The following MYRFL variants were observed in gnomAD, a reference collection of about 807,000 sequenced individuals.
The protein encoded by MYRFL is myelin regulatory factor-like protein.
MYRFL carries 88 observed loss-of-function variants against 109.4 expected under a neutral mutation model. The ratio of observed to expected loss-of-function variants is 0.80; its 90% CI spans 0.68 to 0.96. The LOEUF (loss-of-function observed/expected upper bound fraction) is 0.96, where lower values mean the gene tolerates loss of function less well. Ranked by LOEUF, MYRFL falls within the 40% of genes least tolerant of loss-of-function variation. The probability of loss-of-function intolerance (pLI) is 0.00; values close to 1 mark genes in which losing one functional copy is unlikely to be tolerated. For missense variants in MYRFL, 957 were observed against 954.9 expected (o/e 1.00, Z -0.03); for synonymous variants, 324 against 320.9 (o/e 1.01, Z -0.10).
intron 2 of MYRFL, among the ~76,000 whole-genome samples, chr12:69,867,881 A>T (rs866343909): frequency 6.6e-6 from 1 of 152,206 alleles, no homozygotes; most frequent in Admixed American, 6.5e-5. Flanking sequence ...GAAGAAGAAG[A>T]CTGGGCTAAA....
chr12:69,875,861 GT>G (rs992766815), intron 2 of MYRFL, among the ~76,000 whole-genome samples: 1 of 152,184 alleles, frequency 6.6e-6, no homozygotes, highest in Admixed American at 6.5e-5. Flanking sequence ...TTGTAGAGTA[GT>G]TTTTGTACCT....
intron 15 of MYRFL, among the ~76,000 whole-genome samples, chr12:69,930,815 A>G (rs78202653): frequency 4.9e-5 from 3 of 61,382 alleles, no homozygotes; most frequent in Non-Finnish European, 1.0e-4. Context: ...CTATCTAAGA[A>G]AAAAAAAAAA....
chr12:69,860,613 C>A (rs191088497), intron 2 of MYRFL, among the ~76,000 whole-genome samples: 6 of 151,732 alleles, frequency 4.0e-5, no homozygotes, highest in African/African-American at 1.5e-4. Context: ...AAATGTTCAT[C>A]CCCTCTGCTT....
chr12:69,896,680 TG>T (rs1954004501), intron 9 of MYRFL, among the ~76,000 whole-genome samples: 1 of 152,192 alleles, frequency 6.6e-6, no homozygotes, highest in Non-Finnish European at 1.5e-5. Flanking sequence ...TCCAGTGTGG[TG>T]GGGCAGACCC....
intron 13 of MYRFL, among the ~76,000 whole-genome samples, chr12:69,918,296 A>G (rs927585987): frequency 6.6e-6 from 1 of 152,202 alleles, no homozygotes; most frequent in Admixed American, 6.5e-5. Flanking sequence ...ATGAGAAACA[A>G]AAAGAACCAA....
chr12:69,848,788 T>C (rs943260063), intron 1 of MYRFL, among the ~76,000 whole-genome samples: 1 of 152,222 alleles, frequency 6.6e-6, no homozygotes, highest in Non-Finnish European at 1.5e-5. Flanking sequence ...ACTAAAATAC[T>C]TATTTTATTT....
chr12:69,902,028 G>T (rs1349984552), intron 10 of MYRFL, among the ~76,000 whole-genome samples: 1 of 151,880 alleles, frequency 6.6e-6, no homozygotes, highest in Non-Finnish European at 1.5e-5. Context: ...TGAGTAGCTG[G>T]GGCTATAGGA....
rs1380915830 is a variant in MYRFL at position 69,825,227 on chromosome 12, A to G, written c.-291A>G. 5 of 553,314 alleles carry G rather than the reference A, an allele frequency of 9.0e-6. No homozygotes were observed. The highest frequency in any genetic ancestry group is 1.3e-5 in the Non-Finnish European group (4 of 308,540). 34.3% of individuals were successfully genotyped at this position (553,314 alleles called of 1,614,324 possible). A position where few individuals can be genotyped will look rare whatever the true frequency, so the allele number is the denominator to read the frequency against. Reference sequence around the variant, plus strand: ...ACAAAGGTCCTTAAAGACGAAAAGCAGAGTAGAAACAGTTCCTTATATTAA... The same window carrying G: ...ACAAAGGTCCTTAAAGACGAAAAGCGGAGTAGAAACAGTTCCTTATATTAA... On this transcript the variant is annotated 5_prime_UTR_variant, in exon 1 of 25. Coordinates refer to ENST00000552032, the MANE Select transcript of MYRFL (RefSeq NM_182530.3).
chr12:69,953,640 G>A (rs1465878705), intron 21 of MYRFL, among the ~76,000 whole-genome samples: 1 of 151,814 alleles, frequency 6.6e-6, no homozygotes, highest in East Asian at 1.9e-4. Context: ...AGCTGGGCAT[G>A]ATGGCACACA....
intron 20 of MYRFL, among the ~76,000 whole-genome samples, 178 bp from the exon 21 acceptor site, chr12:69,952,621 A>C (rs1956007198): frequency 6.6e-6 from 1 of 152,128 alleles, no homozygotes; most frequent in Non-Finnish European, 1.5e-5. Flanking sequence ...ATAACCCCCC[A>C]AAAAGCCTTC....
chr12:69,855,270 G>T lies in MYRFL; in HGVS notation c.47-10G>T. ...TCATGTTTCTCAAGATTTTCAATTT[G>T]CCTTTGCAGCTCAGGGAGCCAATGG... On this transcript the variant is annotated splice_polypyrimidine_tract_variant and intron_variant, in intron 1 of 24. Coordinates refer to ENST00000552032, the MANE Select transcript of MYRFL (RefSeq NM_182530.3). The T allele has an allele frequency of 1.4e-6, 1 of 698,834 alleles. No homozygotes were observed. The highest frequency in any genetic ancestry group is 2.6e-6 in the Non-Finnish European group (1 of 383,658). The allele number at this position is 698,834 out of a possible 1,614,324, so 43.3% of individuals were successfully genotyped here. A position where few individuals can be genotyped will look rare whatever the true frequency, so the allele number is the denominator to read the frequency against.
intron 11 of MYRFL, among the ~76,000 whole-genome samples, chr12:69,906,482 G>A: frequency 6.6e-6 from 1 of 152,160 alleles, no homozygotes; most frequent in East Asian, 1.9e-4. Flanking sequence ...CCAAAAACAT[G>A]AGGAAGTTGA....
At chr12:69,933,100 G>T (rs1955321052) in intron 16 of MYRFL, among the ~76,000 whole-genome samples, 1 of 152,174 alleles carries the variant, frequency 6.6e-6, no homozygotes, top group African/African-American at 2.4e-5. Flanking sequence ...ACCATGTGAT[G>T]GAATTGTAGC....
At chr12:69,880,951 G>GTTTTTTTTTTTTTT (rs71094746) in intron 5 of MYRFL, among the ~76,000 whole-genome samples, 1,143 of 112,594 alleles carry the variant, frequency 0.01, 89 homozygotes, top group Non-Finnish European at 0.015. Flanking sequence ...CAGCCTTCCT[G>GTTTTTTTTTTTTTT]TTTTTTTTTT....
chr12:69,849,923 T>G (rs1206603768), intron 1 of MYRFL, among the ~76,000 whole-genome samples: 1 of 152,322 alleles, frequency 6.6e-6, no homozygotes, highest in Non-Finnish European at 1.5e-5. Flanking sequence ...TGTGGGTGGA[T>G]GGATGGGTGA....
chr12:69,901,817 G>A (rs1208798018), intron 10 of MYRFL, among the ~76,000 whole-genome samples: 1 of 151,112 alleles, frequency 6.6e-6, no homozygotes, highest in Non-Finnish European at 1.5e-5. Context: ...AATGTTCAAA[G>A]TTTTTACTTT....
At chr12:69,827,785 G>A (rs925498029) in intron 1 of MYRFL, among the ~76,000 whole-genome samples, 15 of 151,866 alleles carry the variant, frequency 9.9e-5, no homozygotes, top group Non-Finnish European at 2.1e-4. Context: ...TTACAATGTG[G>A]AATATATAAA....
At chr12:69,841,409 A>G (rs1883234284) in intron 1 of MYRFL, among the ~76,000 whole-genome samples, 1 of 152,206 alleles carries the variant, frequency 6.6e-6, no homozygotes, top group South Asian at 2.1e-4. Flanking sequence ...GCAACTCTCT[A>G]GTTTTAGGGG....
intron 2 of MYRFL, among the ~76,000 whole-genome samples, chr12:69,878,180 T>C (rs916980918): frequency 6.9e-6 from 1 of 144,786 alleles, no homozygotes; most frequent in Non-Finnish European, 1.5e-5. Context: ...GAGGTGGAGG[T>C]TGCAGTGAGC....
Sources: allele counts gnomAD v4.1 joint callset (sites outside exome capture counted in the v4.1 genomes callset), GRCh38; gene constraint gnomAD v4.1.1; transcripts MANE v1.5; gene names NCBI Gene and HGNC (gene_info 2026-07-23, HGNC 2026-07-21).